Variants in MAP3K11 observed in about 807,000 individuals in gnomAD.
The protein encoded by MAP3K11 is mitogen-activated protein kinase kinase kinase 11.
Under a neutral mutation model 84.9 loss-of-function variants are expected in MAP3K11, and 46 were observed. The observed-to-expected ratio is 0.54, with a 90% CI of 0.43 to 0.69. The LOEUF is 0.69. Ranked by LOEUF, MAP3K11 falls within the 30% of genes least tolerant of loss-of-function variation. The probability of loss-of-function intolerance (pLI) is 0.00; values close to 1 mark genes in which losing one functional copy is unlikely to be tolerated. For missense variants in MAP3K11, 1,053 were observed against 1,198.3 expected (o/e 0.88, Z 1.79); for synonymous variants, 527 against 514.7 (o/e 1.02, Z -0.32).
intron 8 of MAP3K11, among the ~76,000 whole-genome samples, chr11:65,605,227 C>T (rs1854494383): frequency 6.6e-6 from 1 of 152,120 alleles, no homozygotes; most frequent in Admixed American, 6.5e-5. Flanking sequence ...ACAGAAAGGC[C>T]CCGAGCTATC....
chr11:65,609,485 A>C (rs1295689415), intron 1 of MAP3K11: 5 of 152,252 alleles, frequency 3.3e-5, no homozygotes, highest in Non-Finnish European at 5.9e-5. Flanking sequence ...AAATGGGGCC[A>C]CCGTACTTGG....
At chr11:65,601,434 T>C (rs1854454245) in intron 8 of MAP3K11, among the ~76,000 whole-genome samples, 2 of 152,140 alleles carry the variant, frequency 1.3e-5, no homozygotes, top group African/African-American at 4.8e-5. Context: ...CAGGGCAGTG[T>C]TTAACATGTT....
chr11:65,603,331 G>C (rs1044455008), intron 8 of MAP3K11, among the ~76,000 whole-genome samples: 1 of 152,248 alleles, frequency 6.6e-6, no homozygotes, highest in Non-Finnish European at 1.5e-5. Context: ...GACTATTCTT[G>C]ACCCAAAGAT....
Position 65,613,051 on chromosome 11 carries a change from G to A in MAP3K11, c.706C>T (p.Pro236Ser). 1.3e-6 allele frequency: 2 copies of A among 1,520,328 alleles called. No homozygotes were observed. The highest frequency in any genetic ancestry group is 8.8e-7 in the Non-Finnish European group (1 of 1,134,904). 94.2% of individuals were successfully genotyped at this position (1,520,328 alleles called of 1,614,324 possible). The change falls in exon 1 of 10, where the codon CCC (proline) becomes TCC (serine). Residue 236 changes from proline to serine, a missense_variant. By Grantham distance (74) the Pro-to-Ser change is moderately conservative. Around this residue, in one of 3 missense-constraint regions of MAP3K11, gnomAD observed 310 missense variants for 464.5 expected, o/e 0.67. Transcript: ENST00000309100. ...MHYLHCEALVPVIHRDLKSNN... is the reference protein window; with the variant it reads ...MHYLHCEALVSVIHRDLKSNN... Reference sequence around the variant, plus strand: ...GACTTGAGATCACGGTGGATGACGGGCACCAGGGCCTCGCAGTGCAGGTAG... The same window carrying A: ...GACTTGAGATCACGGTGGATGACGGACACCAGGGCCTCGCAGTGCAGGTAG...
In MAP3K11 at chr11:65,599,721, C is replaced by A; in HGVS notation, c.1879G>T (p.Val627Phe). 1 of 1,587,948 alleles carries A rather than the reference C, an allele frequency of 6.3e-7. No individual in the cohort carries two copies. Among genetic ancestry groups the A allele is most frequent in the Non-Finnish European group, 8.5e-7 (1 of 1,174,776 alleles). Residue 627 changes from valine to phenylalanine, a missense_variant, in exon 9 of 10, where the codon GTC becomes TTC. Physicochemically the swap from Val to Phe is conservative, Grantham distance 50. Around this residue, in one of 3 missense-constraint regions of MAP3K11, gnomAD observed 583 missense variants for 566.6 expected, o/e 1.03. Transcript: ENST00000309100. The stretch of plus-strand genomic sequence containing the variant: ...GAGCTGCTACCGCGCTCTGCGGGGA[C>A]AGGCCTCTTGGGCTCCTCGGGCTCC... ...SLEPEEPKRPVPAERGSSSGT... is the reference protein window; with the variant it reads ...SLEPEEPKRPFPAERGSSSGT...
In MAP3K11 at chr11:65,598,150, G is replaced by A; in HGVS notation, c.*141C>T. ...TTCCAGTGTGAAGGCTTCCTGTGCAGTGTAGTGTTCCTGACCCCCAAAGGG... is the reference window on the plus strand; with the variant it reads ...TTCCAGTGTGAAGGCTTCCTGTGCAATGTAGTGTTCCTGACCCCCAAAGGG... On this transcript the variant is annotated 3_prime_UTR_variant, in exon 10 of 10. Coordinates refer to ENST00000309100, the MANE Select transcript of MAP3K11 (RefSeq NM_002419.4). The A allele has an allele frequency of 1.7e-6, 1 of 603,362 alleles. No homozygotes were observed. Among genetic ancestry groups the A allele is most frequent in the Middle Eastern group, 4.7e-4 (1 of 2,132 alleles). The allele number at this position is 603,362 out of a possible 1,614,324, so 37.4% of individuals were successfully genotyped here.
At position 65,598,452 on chromosome 11, in the gene MAP3K11, G is replaced by C; in HGVS notation, c.2383C>G (p.Gln795Glu). 6.2e-7 allele frequency: 1 copy of C among 1,612,258 alleles called. No individual in the cohort carries two copies. The highest frequency in any genetic ancestry group is 8.5e-7 in the Non-Finnish European group (1 of 1,178,942). Residue 795 changes from glutamine to glutamate, a missense_variant, in exon 10 of 10, where the codon CAG becomes GAG. This residue lies in a region of MAP3K11 where 583 missense variants were observed against 566.6 expected (regional missense o/e 1.03). Coordinates refer to ENST00000309100, the MANE Select transcript of MAP3K11 (RefSeq NM_002419.4). ...GPRPSPLPSP[Q>E]PAPRRAPWTL... ...CAGGGTGCTCGGCGGGGTGCAGGCT[G>C]TGGTGATGGCAGGGGAGAAGGCCGT...
In MAP3K11 at chr11:65,613,006, CCAGAA is replaced by C. The variant is rs768673829; in HGVS notation, c.739+7_739+11del. ...AGCCATGCCACCCCCAACCATGCCC[CCAGAA>C]ACTCACTGTTGTTGGACTTGAGATC... On this transcript the variant is annotated splice_region_variant and intron_variant, in intron 1 of 9. Coordinates refer to ENST00000309100, the MANE Select transcript of MAP3K11 (RefSeq NM_002419.4). The C allele has an allele frequency of 3.0e-5, 46 of 1,520,402 alleles. No individual in the cohort carries two copies. Among genetic ancestry groups the C allele is most frequent in the Non-Finnish European group, 3.4e-5 (39 of 1,134,632 alleles). The allele number at this position is 1,520,402 out of a possible 1,614,324, so 94.2% of individuals were successfully genotyped here.
At position 65,605,933 on chromosome 11, in the gene MAP3K11, C is replaced by T; in HGVS notation, c.1739+13G>A. On this transcript the variant is annotated intron_variant, in intron 7 of 9. Coordinates refer to ENST00000309100, the MANE Select transcript of MAP3K11 (RefSeq NM_002419.4). ...CAAATGATGCTGGGTCTGGGGGGCA[C>T]TCAGGTACTCACCTCCCATTCTGGG... The T allele has an allele frequency of 6.2e-7, 1 of 1,604,800 alleles. No individual in the cohort carries two copies. Among genetic ancestry groups the T allele is most frequent in the Non-Finnish European group, 8.5e-7 (1 of 1,177,566 alleles).
chr11:65,599,600 G>A lies in MAP3K11; in HGVS notation c.2000C>T (p.Pro667Leu). 1 of 1,540,570 alleles carries A rather than the reference G, an allele frequency of 6.5e-7. No individual in the cohort carries two copies. Among genetic ancestry groups the A allele is most frequent in the Non-Finnish European group, 8.7e-7 (1 of 1,150,366 alleles). The change falls in exon 9 of 10, where the codon CCA (proline) becomes CTA (leucine). Residue 667 changes from proline to leucine, a missense_variant. Transcript: ENST00000309100. ...LGRDLQPPGGPGRERGESPTT... is the reference protein window; with the variant it reads ...LGRDLQPPGGLGRERGESPTT... ...CGGGGACTCCCCGCGCTCGCGTCCTGGGCCTCCCGGCGGCTGCAGGTCGCG... is the reference window on the plus strand; with the variant it reads ...CGGGGACTCCCCGCGCTCGCGTCCTAGGCCTCCCGGCGGCTGCAGGTCGCG...
intron 7 of MAP3K11, 24 bp downstream of exon 7, chr11:65,605,922 T>G (rs761419985): frequency 6.2e-7 from 1 of 1,607,982 alleles, no homozygotes; most frequent in South Asian, 1.1e-5. Context: ...TGATGCTGGG[T>G]CTGGGGGGCA....
chr11:65,598,199 A>T lies in MAP3K11; in HGVS notation c.*92T>A. 1 of 1,107,320 alleles carries T rather than the reference A, an allele frequency of 9.0e-7. No individual in the cohort carries two copies. Among genetic ancestry groups the T allele is most frequent in the Non-Finnish European group, 1.2e-6 (1 of 840,974 alleles). The allele number at this position is 1,107,320 out of a possible 1,614,324, so 68.6% of individuals were successfully genotyped here. On this transcript the variant is annotated 3_prime_UTR_variant, in exon 10 of 10. Transcript: ENST00000309100. ...GGGGGTGGGGTCCCTGGGGAAACTG[A>T]GGCAGCTGCAGAGGCTGACCCAGCT...
chr11:65,605,059 C>T (rs375868706), intron 8 of MAP3K11, among the ~76,000 whole-genome samples: 2 of 152,112 alleles, frequency 1.3e-5, no homozygotes, highest in African/African-American at 4.8e-5. Context: ...GGAGCTGAAG[C>T]CTCTCTGGGT....
chr11:65,613,860 G>C lies in MAP3K11; in HGVS notation c.-104C>G, dbSNP rs1854617456. 1.5e-6 allele frequency: 2 copies of C among 1,302,912 alleles called. No homozygotes were observed. Among genetic ancestry groups the C allele is most frequent in the Non-Finnish European group, 2.0e-6 (2 of 979,298 alleles). The allele number at this position is 1,302,912 out of a possible 1,614,324, so 80.7% of individuals were successfully genotyped here. A position where few individuals can be genotyped will look rare whatever the true frequency, so the allele number is the denominator to read the frequency against. Reference sequence around the variant, plus strand: ...CCTAGTCCCGGAACCTGGGCATCCGGGCCCTGGCCCTCAGCCCCAGACCCA... The same window carrying C: ...CCTAGTCCCGGAACCTGGGCATCCGCGCCCTGGCCCTCAGCCCCAGACCCA... On this transcript the variant is annotated 5_prime_UTR_variant, in exon 1 of 10. Transcript: ENST00000309100.
Position 65,606,090 on chromosome 11 carries a change from G to T in MAP3K11, c.1604-9C>A. The T allele has an allele frequency of 6.4e-7, 1 of 1,562,604 alleles. No homozygotes were observed. Among genetic ancestry groups the T allele is most frequent in the Non-Finnish European group, 8.6e-7 (1 of 1,160,296 alleles). On this transcript the variant is annotated splice_polypyrimidine_tract_variant and intron_variant, in intron 6 of 9. Coordinates refer to ENST00000309100, the MANE Select transcript of MAP3K11 (RefSeq NM_002419.4). ...TGGCTCTGCAGGCTCCACTGCAGGG[G>T]AAACCGATGAAATCGGAGATAATCT...
In MAP3K11 at chr11:65,613,532, T is replaced by G. The variant is rs368386691; in HGVS notation, c.225A>C (p.Ala75=). ...ACCAGCCCTCGTCTCCTGAGATGGC[T>G]GCGTCCCGGGACAGCACCTCCACAC... ...GDRVEVLSRD[A]AISGDEGWWA... is the part of the protein sequence containing the mutation. The change falls in exon 1 of 10, where the codon GCA becomes GCC. Residue 75 remains alanine, a synonymous_variant. Coordinates refer to ENST00000309100, the MANE Select transcript of MAP3K11 (RefSeq NM_002419.4). The G allele has an allele frequency of 6.8e-6, 11 of 1,610,300 alleles. No individual in the cohort carries two copies. Among genetic ancestry groups the G allele is most frequent in the Middle Eastern group, 1.7e-4 (1 of 6,048 alleles).
chr11:65,613,421 G>A lies in MAP3K11; in HGVS notation c.336C>T (p.Ala112=). The change falls in exon 1 of 10, where the codon GCC becomes GCT. Residue 112 remains alanine, a synonymous_variant. Transcript: ENST00000309100. Reference sequence around the variant, plus strand: ...CCTCCAGCCGCAGCTCCTGGAAGCTGGCCACCTCGCAGGGGGGCGGGCCGC... The same window carrying A: ...CCTCCAGCCGCAGCTCCTGGAAGCTAGCCACCTCGCAGGGGGGCGGGCCGC... ...RGGGPPPCEV[A]SFQELRLEEV... 6.2e-7 allele frequency: 1 copy of A among 1,612,442 alleles called. No individual in the cohort carries two copies.
chr11:65,601,431 G>C lies in MAP3K11; in HGVS notation c.1832-1663C>G, dbSNP rs999687185. Among the ~76,000 whole-genome samples the C allele has an allele frequency of 3.0e-4, 46 of 152,318 alleles. 1 individual carries two copies. The highest frequency in any genetic ancestry group is 9.6e-4 in the African/African-American group (40 of 41,580). On this transcript the variant is annotated intron_variant, in intron 8 of 9. Coordinates refer to ENST00000309100, the MANE Select transcript of MAP3K11 (RefSeq NM_002419.4). Reference sequence around the variant, plus strand: ...TGCTTCATCATATGAGGTCAGGGCAGTGTTTAACATGTTGATGCCTGGCTC... The same window carrying C: ...TGCTTCATCATATGAGGTCAGGGCACTGTTTAACATGTTGATGCCTGGCTC...
In MAP3K11 at chr11:65,599,458, C is replaced by T. The variant is rs768524074; in HGVS notation, c.2142G>A (p.Leu714=). ...DSPPTPAPLL[L]DLGIPVGQRS... is the part of the protein sequence containing the mutation. ...GCTGGCCCACAGGGATACCCAGGTCCAGCAACAGGGGTGCAGGAGTGGGCG... is the reference window on the plus strand; with the variant it reads ...GCTGGCCCACAGGGATACCCAGGTCTAGCAACAGGGGTGCAGGAGTGGGCG... Residue 714 remains leucine (L), a synonymous_variant, in exon 9 of 10, where the codon CTG becomes CTA. Transcript: ENST00000309100. 2 of 1,517,802 alleles carry T rather than the reference C, an allele frequency of 1.3e-6. No homozygotes were observed. The highest frequency in any genetic ancestry group is 1.7e-6 in the Non-Finnish European group (2 of 1,144,156). The allele number at this position is 1,517,802 out of a possible 1,614,324, so 94.0% of individuals were successfully genotyped here.
Sources: allele counts gnomAD v4.1 joint callset (sites outside exome capture counted in the v4.1 genomes callset), GRCh38; gene constraint gnomAD v4.1.1; regional missense constraint gnomAD v4.1.1; transcripts MANE v1.5; gene names NCBI Gene and HGNC (gene_info 2026-07-23, HGNC 2026-07-21).